WNK1: variants seen among roughly 807,000 people sequenced by gnomAD.
WNK1 encodes WNK lysine deficient protein kinase 1.
A neutral mutation model predicts 222.8 loss-of-function variants in WNK1; 38 were observed. That is an observed-to-expected ratio of 0.17 (90% CI 0.13 to 0.22). WNK1 has a LOEUF of 0.22. WNK1 is among the 10% of genes least tolerant of loss of function. The pLI, the probability that WNK1 is intolerant of heterozygous loss-of-function variation, is 1.00. For synonymous variants in WNK1, 1,090 were observed against 1,092.9 expected (o/e 1.00, Z 0.05); for missense variants, 2,348 against 2,918.4 (o/e 0.80, Z 4.50).
Position 896,530 on chromosome 12 carries a change from G to A in WNK1, c.6043G>A (p.Glu2015Lys), listed in dbSNP as rs757961067. ...SHLNGPSSDP[E>K]AAFLSRDVDD... ...TCTAAATGGGCCGTCTTCTGACCCG[G>A]AGGCCGCTTTTTTAAGTAGGGATGT... The change falls in exon 24 of 28, where the codon GAG (glutamate) becomes AAG (lysine). Residue 2015 changes from glutamate to lysine, a missense_variant. By Grantham distance (56) the Glu-to-Lys change is moderately conservative. Transcript: ENST00000315939. 6.2e-7 allele frequency: 1 copy of A among 1,613,442 alleles called. No homozygotes were observed. Among genetic ancestry groups the A allele is most frequent in the Non-Finnish European group, 8.5e-7 (1 of 1,179,910 alleles).
At chr12:805,889 A>G (rs1266461337) in intron 1 of WNK1, among the ~76,000 whole-genome samples, 1 of 152,192 alleles carries the variant, frequency 6.6e-6, no homozygotes, top group Admixed American at 6.5e-5. Flanking sequence ...TGTCTAAGTT[A>G]GAACCCAAAA....
chr12:760,453 T>C (rs1181571270), intron 1 of WNK1, among the ~76,000 whole-genome samples: 1 of 147,752 alleles, frequency 6.8e-6, no homozygotes, highest in African/African-American at 2.4e-5. Flanking sequence ...GCAATATGTC[T>C]TACTGATTTA....
intron 2 of WNK1, among the ~76,000 whole-genome samples, chr12:815,988 T>C (rs1271049176): frequency 1.3e-5 from 2 of 152,226 alleles, no homozygotes; most frequent in Admixed American, 6.5e-5. Flanking sequence ...GAACTTATAC[T>C]CTGGGATTTT....
At chr12:837,602 A>AGAAAT (rs1565498713) in intron 4 of WNK1, among the ~76,000 whole-genome samples, 1 of 151,520 alleles carries the variant, frequency 6.6e-6, no homozygotes, top group Admixed American at 6.6e-5. Context: ...AGAAAAGAAA[A>AGAAAT]GAAAAAAGAT....
intron 4 of WNK1, among the ~76,000 whole-genome samples, chr12:835,489 C>G (rs1949110212): frequency 6.6e-6 from 1 of 152,136 alleles, no homozygotes; most frequent in South Asian, 2.1e-4. Flanking sequence ...GTTAATTTTA[C>G]TTGGTGTATT....
chr12:776,226 G>A lies in WNK1; in HGVS notation c.759+21902G>A, dbSNP rs532771260. 4.6e-5 allele frequency among the ~76,000 whole-genome samples: 7 copies of A among 151,814 alleles called. No individual in the cohort carries two copies. The East Asian group carries it at 1.2e-3, about 25-fold the overall frequency. Reference sequence around the variant, plus strand: ...TTTTTAAAAGTTTTTGTAGAGATGGGGTCAAGCTATGTTGCTCAGGCTGGT... The same window carrying A: ...TTTTTAAAAGTTTTTGTAGAGATGGAGTCAAGCTATGTTGCTCAGGCTGGT... On this transcript the variant is annotated intron_variant, in intron 1 of 27. Coordinates refer to ENST00000315939, the MANE Select transcript of WNK1 (RefSeq NM_018979.4).
At chr12:894,435 G>C in intron 22 of WNK1, 127 bp from the exon 23 acceptor site, 2 of 778,648 alleles carry the variant, frequency 2.6e-6, no homozygotes, top group Non-Finnish European at 2.3e-6. Flanking sequence ...AGGAGATAAG[G>C]AAGTTCTCTT....
intron 4 of WNK1, among the ~76,000 whole-genome samples, chr12:834,139 A>G (rs551287325): frequency 6.6e-6 from 1 of 152,320 alleles, no homozygotes; most frequent in Admixed American, 6.5e-5. Context: ...TAGGATTTAC[A>G]TGAATGCTGA....
At chr12:789,671 T>C (rs1220841368) in intron 1 of WNK1, among the ~76,000 whole-genome samples, 1 of 151,946 alleles carries the variant, frequency 6.6e-6, no homozygotes, top group African/African-American at 2.4e-5. Context: ...TACAGGTGTA[T>C]GCCACCAAAC....
chr12:887,026 C>G (rs1290085415), intron 19 of WNK1, among the ~76,000 whole-genome samples, 195 bp from the exon 20 acceptor site: 1 of 152,070 alleles, frequency 6.6e-6, no homozygotes, highest in African/African-American at 2.4e-5. Flanking sequence ...TCGTAGTAAC[C>G]CCTATAATAA....
chr12:868,579 G>A lies in WNK1; in HGVS notation c.2140-2686G>A, dbSNP rs373052154. ...ACCCTGTCTTTGTTCCTCATTCTGC[G>A]CCTGCTGTGTTAACTCATAACAATG... On this transcript the variant is annotated intron_variant, in intron 8 of 27. Transcript: ENST00000315939. 5.1e-5 allele frequency: 82 copies of A among 1,613,738 alleles called. No homozygotes were observed. In the Admixed American group the frequency reaches 9.0e-4, roughly 18 times the overall value.
intron 4 of WNK1, among the ~76,000 whole-genome samples, chr12:849,376 A>T (rs1356427827): frequency 6.6e-6 from 1 of 152,194 alleles, no homozygotes; most frequent in South Asian, 2.1e-4. Flanking sequence ...CAACAAAGCA[A>T]TGAGCAATGC....
rs1248722618 is a variant in WNK1, at chr12:827,036, T to C, written c.933-6T>C. On this transcript the variant is annotated splice_region_variant and splice_polypyrimidine_tract_variant and intron_variant, in intron 2 of 27. Coordinates refer to ENST00000315939, the MANE Select transcript of WNK1 (RefSeq NM_018979.4). The surrounding 1 kb of genome is among the most constrained non-coding windows in gnomAD (Gnocchi z 4.6). Reference sequence around the variant, plus strand: ...TAACTTGTTTGGTATACTTTGCTTTTTCTAGGTATCTGAAAAGGTTTAAAG... The same window carrying C: ...TAACTTGTTTGGTATACTTTGCTTTCTCTAGGTATCTGAAAAGGTTTAAAG... 3 of 1,612,642 alleles carry C rather than the reference T, an allele frequency of 1.9e-6. No individual in the cohort carries two copies. The highest frequency in any genetic ancestry group is 3.3e-5 in the Admixed American group (2 of 60,024).
chr12:808,991 T>G (rs1946653866), intron 1 of WNK1, among the ~76,000 whole-genome samples: 1 of 152,054 alleles, frequency 6.6e-6, no homozygotes, highest in South Asian at 2.1e-4. Flanking sequence ...CTTGAACTCC[T>G]GACCTCAGGT....
chr12:860,829 G>A (rs1951156139), intron 6 of WNK1, among the ~76,000 whole-genome samples, 184 bp from the exon 7 acceptor site: 1 of 151,160 alleles, frequency 6.6e-6, no homozygotes, highest in Non-Finnish European at 1.5e-5. Context: ...TATCTACAAA[G>A]ATGGTAGGGA....
chr12:903,717 A>G (rs1190448459), intron 26 of WNK1, among the ~76,000 whole-genome samples: 5 of 152,186 alleles, frequency 3.3e-5, no homozygotes, highest in Non-Finnish European at 5.9e-5. Flanking sequence ...ATCAGGATAC[A>G]TCATGTAAGC....
At chr12:891,962 A>C (rs1414268337) in intron 22 of WNK1, among the ~76,000 whole-genome samples, 1 of 151,592 alleles carries the variant, frequency 6.6e-6, no homozygotes, top group Non-Finnish European at 1.5e-5. Context: ...AAAAATGTAT[A>C]GGTCAATGGA....
intron 1 of WNK1, among the ~76,000 whole-genome samples, chr12:755,370 T>A (rs72647387): frequency 1.1e-4 from 16 of 152,200 alleles, no homozygotes; most frequent in Admixed American, 3.3e-4. Flanking sequence ...AACTGAATGA[T>A]CTTGGAACTT....
intron 12 of WNK1, among the ~76,000 whole-genome samples, chr12:881,226 C>G (rs1953126758): frequency 6.6e-6 from 1 of 152,166 alleles, no homozygotes; most frequent in Non-Finnish European, 1.5e-5. Context: ...AAGATGAACC[C>G]TATTAGCACT....
Sources: allele counts gnomAD v4.1 joint callset (sites outside exome capture counted in the v4.1 genomes callset), GRCh38; gene constraint gnomAD v4.1.1; non-coding constraint Gnocchi (gnomAD v3.1); transcripts MANE v1.5; gene names NCBI Gene and HGNC (gene_info 2026-07-23, HGNC 2026-07-21).